Variants in CSNK1G1 observed in about 807,000 individuals in gnomAD.
CSNK1G1 encodes casein kinase I isoform gamma-1.
A neutral mutation model predicts 59.6 loss-of-function variants in CSNK1G1; 22 were observed. The ratio of observed to expected loss-of-function variants is 0.37; its 90% CI spans 0.26 to 0.53. CSNK1G1 has a LOEUF of 0.53. Ranked by LOEUF, CSNK1G1 falls within the 20% of genes least tolerant of loss-of-function variation. The pLI is 0.89. For synonymous variants in CSNK1G1, 179 were observed against 177.1 expected (o/e 1.01, Z -0.08); for missense variants, 384 against 519.5 (o/e 0.74, Z 2.54).
At chr15:64,280,151 T>C (rs1749729412) in intron 2 of CSNK1G1, among the ~76,000 whole-genome samples, 1 of 152,292 alleles carries the variant, frequency 6.6e-6, no homozygotes, top group African/African-American at 2.4e-5. Flanking sequence ...GAAGTACACG[T>C]ATATACGCGC....
intron 1 of CSNK1G1, among the ~76,000 whole-genome samples, chr15:64,328,973 A>C (rs1896985336): frequency 1.4e-5 from 2 of 146,484 alleles, no homozygotes; most frequent in African/African-American, 5.1e-5. Flanking sequence ...AGAGGAGCTA[A>C]CTATCCTAAA....
At position 64,216,456 on chromosome 15, in the gene CSNK1G1, T is replaced by C; in HGVS notation, c.444+106A>G. Reference sequence around the variant, plus strand: ...CCCAGAATGCCATCAAGCCTGTGAGTACTAATTCTTGATGTGTTGCTACGG... The same window carrying C: ...CCCAGAATGCCATCAAGCCTGTGAGCACTAATTCTTGATGTGTTGCTACGG... On this transcript the variant is annotated intron_variant, in intron 5 of 11. Transcript: ENST00000303052. This position sits in a 1 kb window ranked among gnomAD's most constrained non-coding sequence, Gnocchi z 4.6. 9.0e-7 allele frequency: 1 copy of C among 1,115,812 alleles called. No individual in the cohort carries two copies. The highest frequency in any genetic ancestry group is 1.3e-6 in the Non-Finnish European group (1 of 771,818). The allele number at this position is 1,115,812 out of a possible 1,614,324, so 69.1% of individuals were successfully genotyped here.
intron 3 of CSNK1G1, among the ~76,000 whole-genome samples, chr15:64,255,225 C>T (rs185161782): frequency 7.9e-5 from 12 of 152,240 alleles, no homozygotes; most frequent in African/African-American, 2.9e-4. Context: ...TACAGATGCA[C>T]ACCACCACAC....
chr15:64,311,539 G>A (rs901818612), intron 1 of CSNK1G1, among the ~76,000 whole-genome samples: 5 of 152,108 alleles, frequency 3.3e-5, no homozygotes, highest in African/African-American at 1.2e-4. Context: ...TATATTCCCA[G>A]ATACTTAGGA....
At chr15:64,311,035 T>C (rs1428270117) in intron 1 of CSNK1G1, among the ~76,000 whole-genome samples, 3 of 149,728 alleles carry the variant, frequency 2.0e-5, no homozygotes, top group Admixed American at 2.0e-4. Flanking sequence ...AAGAAAAACA[T>C]ATATACATAT....
intron 2 of CSNK1G1, among the ~76,000 whole-genome samples, chr15:64,294,326 G>C (rs951825918): frequency 2.6e-5 from 4 of 151,896 alleles, no homozygotes; most frequent in African/African-American, 7.3e-5. Flanking sequence ...CGCCCACCTC[G>C]GCCTCTCAAA....
intron 11 of CSNK1G1, among the ~76,000 whole-genome samples, chr15:64,173,485 T>C (rs910325047): frequency 5.9e-5 from 9 of 152,226 alleles, no homozygotes; most frequent in Admixed American, 5.9e-4. Flanking sequence ...AAGTGTCATA[T>C]GTATTTGGAA....
intron 2 of CSNK1G1, among the ~76,000 whole-genome samples, chr15:64,260,480 G>A (rs1039334209): frequency 7.9e-5 from 12 of 152,136 alleles, no homozygotes; most frequent in Non-Finnish European, 1.6e-4. Context: ...TGGGTGTGGT[G>A]TAATCCCAAC....
chr15:64,205,851 T>C (rs1266692961), intron 7 of CSNK1G1, among the ~76,000 whole-genome samples: 1 of 152,084 alleles, frequency 6.6e-6, no homozygotes, highest in Non-Finnish European at 1.5e-5. Context: ...AAATAAAATC[T>C]CAAAGGGAAT....
At chr15:64,317,043 C>A (rs1187467450) in intron 1 of CSNK1G1, 2 of 152,126 alleles carry the variant, frequency 1.3e-5, no homozygotes, top group East Asian at 3.8e-4. Context: ...CCTGCTACAT[C>A]ATAATTCGTA....
intron 1 of CSNK1G1, among the ~76,000 whole-genome samples, chr15:64,316,575 T>C (rs1328024420): frequency 6.8e-6 from 1 of 147,240 alleles, no homozygotes; most frequent in South Asian, 2.1e-4. Context: ...AAAAAGTTAA[T>C]ACAGCTTGTC....
chr15:64,253,092 C>T (rs1168693874), intron 3 of CSNK1G1, among the ~76,000 whole-genome samples: 1 of 152,150 alleles, frequency 6.6e-6, no homozygotes, highest in East Asian at 1.9e-4. Context: ...TGCCTGTAAT[C>T]CCAGCACTTT....
chr15:64,210,110 GAAGGGTACCTAAATAAGGTACCCAAAAT>G lies in CSNK1G1; in HGVS notation c.680-2544_680-2517del, dbSNP rs1201295954. Reference sequence around the variant, plus strand: ...GGAAAAATAAGGGTTCCTAAATCAGGAAGGGTACCTAAATAAGGTACCCAAAATAAGGGTACCTAAATCAGCTCAACGA... The same window carrying G: ...GGAAAAATAAGGGTTCCTAAATCAGGAAGGGTACCTAAATCAGCTCAACGA... On this transcript the variant is annotated intron_variant, in intron 6 of 11. Transcript: ENST00000303052. The surrounding 1 kb of genome is among the most constrained non-coding windows in gnomAD (Gnocchi z 4.2). Among the ~76,000 whole-genome samples the G allele has an allele frequency of 1.1e-4, 17 of 152,150 alleles. No homozygotes were observed. The highest frequency in any genetic ancestry group is 3.9e-4 in the African/African-American group (16 of 41,516).
intron 1 of CSNK1G1, among the ~76,000 whole-genome samples, chr15:64,313,238 T>G (rs958285461): frequency 3.9e-5 from 6 of 152,168 alleles, no homozygotes; most frequent in Admixed American, 3.9e-4. Context: ...GACCCAGCAA[T>G]CCCATTACTG....
chr15:64,174,599 TTGAC>T (rs879860027), intron 11 of CSNK1G1, among the ~76,000 whole-genome samples: 11 of 152,190 alleles, frequency 7.2e-5, no homozygotes, highest in Non-Finnish European at 1.0e-4. Flanking sequence ...AGTTGATTCT[TTGAC>T]TGTTTAGATG....
chr15:64,260,947 G>A (rs983507966), intron 2 of CSNK1G1, among the ~76,000 whole-genome samples: 3 of 152,072 alleles, frequency 2.0e-5, no homozygotes, highest in African/African-American at 7.2e-5. Flanking sequence ...TAACAGGTTG[G>A]TTTCTTAGGT....
chr15:64,214,319 C>G lies in CSNK1G1; in HGVS notation c.445-195G>C, dbSNP rs1040967959. Reference sequence around the variant, plus strand: ...CTATAAATACGTACACAACAAATATCAAGACTAGGAAAAAAAGTGGGATAG... The same window carrying G: ...CTATAAATACGTACACAACAAATATGAAGACTAGGAAAAAAAGTGGGATAG... On this transcript the variant is annotated intron_variant, in intron 5 of 11. Coordinates refer to ENST00000303052, the MANE Select transcript of CSNK1G1 (RefSeq NM_022048.5). This position sits in a 1 kb window ranked among gnomAD's most constrained non-coding sequence, Gnocchi z 4.3. Among the ~76,000 whole-genome samples the G allele has an allele frequency of 2.0e-5, 3 of 152,098 alleles. No individual in the cohort carries two copies. Among genetic ancestry groups the G allele is most frequent in the African/African-American group, 7.2e-5 (3 of 41,400 alleles).
At chr15:64,253,964 A>G (rs548660884) in intron 3 of CSNK1G1, among the ~76,000 whole-genome samples, 14 of 152,104 alleles carry the variant, frequency 9.2e-5, no homozygotes, top group African/African-American at 2.9e-4. Context: ...ACACGGTGAA[A>G]CCCCGTCTCT....
intron 7 of CSNK1G1, among the ~76,000 whole-genome samples, chr15:64,206,580 C>A (rs574318014): frequency 4.0e-4 from 30 of 74,332 alleles, no homozygotes; most frequent in Non-Finnish European, 6.4e-4. Flanking sequence ...GAGTGAAACT[C>A]TGTCTCAAAA....
Sources: gnomAD v4.1 joint callset for allele counts (sites outside exome capture counted in the v4.1 genomes callset) on GRCh38, gnomAD v4.1.1 for gene constraint, Gnocchi (gnomAD v3.1) non-coding constraint, MANE v1.5 for transcripts, NCBI Gene and HGNC (gene_info 2026-07-23, HGNC 2026-07-21) for gene names.